Variants in MAP7 observed in about 807,000 individuals in gnomAD.
The protein encoded by MAP7 is ensconsin.
A neutral mutation model predicts 94.8 loss-of-function variants in MAP7; 52 were observed. That is an observed-to-expected ratio of 0.55 (90% CI 0.44 to 0.69). MAP7 has a LOEUF of 0.69. Ranked by LOEUF, MAP7 falls within the 30% of genes least tolerant of loss-of-function variation. The probability of loss-of-function intolerance (pLI) is 0.00; values close to 1 mark genes in which losing one functional copy is unlikely to be tolerated. For missense variants in MAP7, 940 were observed against 964.6 expected (o/e 0.97, Z 0.34); for synonymous variants, 350 against 357.0 (o/e 0.98, Z 0.22).
At chr6:136,496,767 C>A (rs1223796616) in intron 1 of MAP7, among the ~76,000 whole-genome samples, 2 of 141,352 alleles carry the variant, frequency 1.4e-5, no homozygotes, top group East Asian at 2.0e-4. Flanking sequence ...AGGTGAAACC[C>A]CGTCTCTACT....
At chr6:136,502,650 G>A (rs756734581) in intron 1 of MAP7, among the ~76,000 whole-genome samples, 2 of 152,176 alleles carry the variant, frequency 1.3e-5, no homozygotes, top group African/African-American at 4.8e-5. Context: ...GCGATATTTT[G>A]TAGGGGCTGA....
intron 1 of MAP7, among the ~76,000 whole-genome samples, chr6:136,546,106 G>T (rs1829720824): frequency 6.6e-6 from 1 of 152,052 alleles, no homozygotes; most frequent in Admixed American, 6.5e-5. Context: ...TCAACCTCCT[G>T]GGTTCAAGTG....
At position 136,421,755 on chromosome 6, in the gene MAP7, G is replaced by C; in HGVS notation, c.112C>G (p.Arg38Gly). 6.2e-7 allele frequency: 1 copy of C among 1,613,964 alleles called. No homozygotes were observed. The highest frequency in any genetic ancestry group is 1.7e-5 in the Admixed American group (1 of 59,998). Residue 38 changes from arginine to glycine, a missense_variant, in exon 2 of 18, where the codon CGC becomes GGC. Coordinates refer to ENST00000354570, the MANE Select transcript of MAP7 (RefSeq NM_003980.6). ...KVQDKKNASS[R>G]PASAISGQNN... ...TGTCCTGAAATTGCAGAGGCAGGGC[G>C]GCTGGAGGCATTTTTCTTATCTTGC...
intron 1 of MAP7, among the ~76,000 whole-genome samples, chr6:136,452,391 T>G (rs1446008343): frequency 6.6e-6 from 1 of 152,120 alleles, no homozygotes; most frequent in Non-Finnish European, 1.5e-5. Flanking sequence ...CTGACCCCAA[T>G]TTTGAAAGTT....
intron 1 of MAP7, among the ~76,000 whole-genome samples, chr6:136,474,905 G>A (rs1316183635): frequency 4.6e-5 from 7 of 151,914 alleles, no homozygotes; most frequent in African/African-American, 1.5e-4. Flanking sequence ...GGGTAGAGAC[G>A]GGGTTTCACT....
chr6:136,411,410 C>A (rs1438412629), intron 3 of MAP7, among the ~76,000 whole-genome samples: 1 of 152,214 alleles, frequency 6.6e-6, no homozygotes, highest in Non-Finnish European at 1.5e-5. Flanking sequence ...TCCAGTGCCA[C>A]ATTAAACTGT....
chr6:136,479,338 G>T (rs1346682098), intron 1 of MAP7, among the ~76,000 whole-genome samples: 1 of 152,034 alleles, frequency 6.6e-6, no homozygotes, highest in Non-Finnish European at 1.5e-5. Flanking sequence ...TAAAAAACTG[G>T]GAATAGAAGA....
intron 1 of MAP7, among the ~76,000 whole-genome samples, chr6:136,522,851 C>A (rs1208915216): frequency 6.6e-6 from 1 of 152,098 alleles, no homozygotes; most frequent in African/African-American, 2.4e-5. Flanking sequence ...GGCAACATAG[C>A]AAGATCCCAT....
intron 7 of MAP7, among the ~76,000 whole-genome samples, chr6:136,374,166 T>C (rs760591903): frequency 5.3e-5 from 8 of 152,216 alleles, no homozygotes; most frequent in Admixed American, 3.9e-4. Context: ...TAAAATAATA[T>C]ATGTACGTCT....
chr6:136,485,913 T>A (rs1814584121), intron 1 of MAP7, among the ~76,000 whole-genome samples: 1 of 152,160 alleles, frequency 6.6e-6, no homozygotes, highest in African/African-American at 2.4e-5. Context: ...TTTTCACAGA[T>A]GACAAAAATA....
chr6:136,495,763 A>G (rs1252551443), intron 1 of MAP7, among the ~76,000 whole-genome samples: 1 of 152,226 alleles, frequency 6.6e-6, no homozygotes, highest in Non-Finnish European at 1.5e-5. Context: ...GATAGAATCT[A>G]TAGATACCAA....
At chr6:136,345,088 C>T (rs1039377661) in intron 17 of MAP7, among the ~76,000 whole-genome samples, 1 of 152,188 alleles carries the variant, frequency 6.6e-6, no homozygotes, top group African/African-American at 2.4e-5. Flanking sequence ...CACAGATTAT[C>T]TTGCTAATTC....
chr6:136,522,479 T>C (rs959251062), intron 1 of MAP7, among the ~76,000 whole-genome samples: 3 of 152,154 alleles, frequency 2.0e-5, no homozygotes, highest in African/African-American at 7.2e-5. Context: ...CCCAACAGTA[T>C]GGTACCTGAA....
At chr6:136,385,818 T>C (rs1171463880) in intron 5 of MAP7, among the ~76,000 whole-genome samples, 2 of 152,236 alleles carry the variant, frequency 1.3e-5, no homozygotes, top group African/African-American at 4.8e-5. Context: ...CCAGCCAGGC[T>C]GGAGTGCAGT....
rs1217756012 is a variant in MAP7, at chr6:136,366,002, G to T, written c.1006C>A (p.Leu336Ile). ...CTGGGTGTGCCAGGCAAATGAGGAA[G>T]AGACTTGGACGGAAGCCTGGGCCAC... ...RSRLWLPSKS[L>I]PHLPGTPRPT... Residue 336 changes from leucine to isoleucine, a missense_variant, in exon 10 of 18, where the codon CTT (leucine) becomes ATT (isoleucine). Physicochemically the swap from Leu to Ile is conservative, Grantham distance 5. Coordinates refer to ENST00000354570, the MANE Select transcript of MAP7 (RefSeq NM_003980.6). 1.2e-5 allele frequency: 20 copies of T among 1,610,690 alleles called. No individual in the cohort carries two copies. Among genetic ancestry groups the T allele is most frequent in the Non-Finnish European group, 1.7e-5 (20 of 1,179,672 alleles).
chr6:136,392,228 C>T (rs762187563), intron 3 of MAP7, among the ~76,000 whole-genome samples: 16 of 151,962 alleles, frequency 1.1e-4, no homozygotes, highest in Non-Finnish European at 1.8e-4. Context: ...CAGGCGTGCA[C>T]CACTATGCCC....
chr6:136,345,776 C>G, intron 17 of MAP7, 80 bp downstream of exon 17: 8 of 1,102,098 alleles, frequency 7.3e-6, no homozygotes, highest in Non-Finnish European at 1.1e-5. Flanking sequence ...CACAATCATA[C>G]TGTAGAAGGC....
intron 1 of MAP7, among the ~76,000 whole-genome samples, chr6:136,485,393 A>G (rs1814307045): frequency 6.6e-6 from 1 of 152,192 alleles, no homozygotes; most frequent in South Asian, 2.1e-4. Context: ...GACATTTCCC[A>G]TAAAATGAAT....
chr6:136,479,169 C>T (rs962008113), intron 1 of MAP7, among the ~76,000 whole-genome samples: 3 of 152,134 alleles, frequency 2.0e-5, no homozygotes, highest in African/African-American at 7.2e-5. Flanking sequence ...GATCATTCAT[C>T]ACGACCCAGT....
Sources: gnomAD v4.1 joint callset for allele counts (sites outside exome capture counted in the v4.1 genomes callset) on GRCh38, gnomAD v4.1.1 for gene constraint, MANE v1.5 for transcripts, NCBI Gene and HGNC (gene_info 2026-07-23, HGNC 2026-07-21) for gene names.